CCSER1: variants seen among roughly 807,000 people sequenced by gnomAD.
CCSER1 encodes the protein coiled-coil serine rich protein 1.
In CCSER1, 41 loss-of-function variants were observed where a neutral mutation model predicts 82.0. That is an observed-to-expected ratio of 0.50 (90% confidence interval 0.39 to 0.65). The LOEUF (loss-of-function observed/expected upper bound fraction) is 0.65, where lower values mean the gene tolerates loss of function less well. Ranked by LOEUF, CCSER1 falls within the 30% of genes least tolerant of loss-of-function variation. CCSER1 has a pLI of 0.00. For synonymous variants in CCSER1, 414 were observed against 383.9 expected, an observed-to-expected ratio of 1.08 and a Z score of -0.92; for missense variants, 1,119 against 1,064.2, an observed-to-expected ratio of 1.05 and a Z score of -0.72.
At chr4:91,592,408 T>C (rs1263642500) in intron 10 of CCSER1, among the ~76,000 whole-genome samples, 1 of 152,118 alleles carries the variant, frequency 6.6e-6, no homozygotes, top group Non-Finnish European at 1.5e-5. Flanking sequence ...AGACAAACCA[T>C]ATCACCTGGG....
At chr4:91,155,364 A>C (rs1285671881) in intron 10 of CCSER1, among the ~76,000 whole-genome samples, 1 of 151,828 alleles carries the variant, frequency 6.6e-6, no homozygotes, top group Non-Finnish European at 1.5e-5. Context: ...ATCTTCCTCC[A>C]TGATTGTGAG....
intron 5 of CCSER1, among the ~76,000 whole-genome samples, chr4:90,499,901 C>A (rs1277600216): frequency 6.6e-6 from 1 of 152,194 alleles, no homozygotes; most frequent in East Asian, 1.9e-4. Flanking sequence ...AAGTTTATTT[C>A]ATGGAAAAAC....
chr4:90,515,544 A>G (rs1772152996), intron 5 of CCSER1, among the ~76,000 whole-genome samples: 2 of 152,182 alleles, frequency 1.3e-5, no homozygotes, highest in African/African-American at 2.4e-5. Flanking sequence ...ATCTTCTTAA[A>G]TTTAGTTTTG....
At chr4:91,551,471 T>G (rs904024770) in intron 10 of CCSER1, among the ~76,000 whole-genome samples, 29 of 152,168 alleles carry the variant, frequency 1.9e-4, no homozygotes, top group Non-Finnish European at 3.2e-4. Flanking sequence ...TTGATATTTC[T>G]ATTAGGGTTT....
At chr4:90,310,972 G>C (rs1579110347) in intron 2 of CCSER1, among the ~76,000 whole-genome samples, 1 of 152,040 alleles carries the variant, frequency 6.6e-6, no homozygotes, top group Non-Finnish European at 1.5e-5. Flanking sequence ...TATATGCCTA[G>C]CTCCTTTACC....
rs191516112 is a variant in CCSER1, at chr4:90,158,785, C to G, written c.-42+30954C>G. On this transcript the variant is annotated intron_variant, in intron 1 of 10. Transcript: ENST00000509176. The stretch of plus-strand genomic sequence containing the variant: ...ATTTTCCAGGTGCTGTCTGTCACCC[C>G]TTTCTTTGACTAGGAAAGGGAACTC... 8.0e-3 allele frequency among the ~76,000 whole-genome samples: 1,218 copies of G among 152,286 alleles called. 7 individuals carry two copies. The highest frequency in any genetic ancestry group is 0.012 in the Non-Finnish European group (801 of 68,022).
At chr4:91,019,473 A>T (rs1381299) in intron 9 of CCSER1, among the ~76,000 whole-genome samples, 2 of 152,246 alleles carry the variant, frequency 1.3e-5, no homozygotes, top group African/African-American at 4.8e-5. Flanking sequence ...TTGGAATTTT[A>T]TTTGATATTG....
rs1053222574 is a variant in CCSER1 at position 91,247,227 on chromosome 4, G to A, written c.2217+161233G>A. The stretch of plus-strand genomic sequence containing the variant: ...TGAGGCAGGAGAATGGCATGAACCC[G>A]GGAGGCGGAGCTTGCAGTGAGCCGA... On this transcript the variant is annotated intron_variant, in intron 10 of 10. Transcript: ENST00000509176. 3.3e-5 allele frequency among the ~76,000 whole-genome samples: 5 copies of A among 151,798 alleles called. No homozygotes were observed. In the South Asian group the frequency reaches 8.3e-4, roughly 25 times the overall value.
At chr4:90,390,565 T>A (rs1750833704) in intron 3 of CCSER1, among the ~76,000 whole-genome samples, 1 of 152,200 alleles carries the variant, frequency 6.6e-6, no homozygotes, top group South Asian at 2.1e-4. Flanking sequence ...CTGATTTAAG[T>A]TGATAATGGC....
In CCSER1 at chr4:91,359,026, G is replaced by C. The variant is rs887789250; in HGVS notation, c.2218-239546G>C. On this transcript the variant is annotated intron_variant, in intron 10 of 10. Coordinates refer to ENST00000509176, the MANE Select transcript of CCSER1 (RefSeq NM_001145065.2). Reference sequence around the variant, plus strand: ...TAGAAGGAAGGGCTTTATTCAGCTGGGAGCATCGGCAAGCTACTGCCTTAA... The same window carrying C: ...TAGAAGGAAGGGCTTTATTCAGCTGCGAGCATCGGCAAGCTACTGCCTTAA... Among the ~76,000 whole-genome samples the C allele has an allele frequency of 2.0e-5, 3 of 152,214 alleles. No homozygotes were observed. In the East Asian group the frequency reaches 5.8e-4, roughly 29 times the overall value.
At chr4:91,345,146 T>A (rs1560601690) in intron 10 of CCSER1, among the ~76,000 whole-genome samples, 1 of 152,176 alleles carries the variant, frequency 6.6e-6, no homozygotes, top group Non-Finnish European at 1.5e-5. Flanking sequence ...ATCCCATCAC[T>A]TTGGGAGGCC....
At chr4:90,942,540 G>C (rs911792718) in intron 9 of CCSER1, among the ~76,000 whole-genome samples, 1 of 151,840 alleles carries the variant, frequency 6.6e-6, no homozygotes, top group Non-Finnish European at 1.5e-5. Flanking sequence ...ATATTTTCTG[G>C]CTACTTTCTT....
intron 10 of CCSER1, among the ~76,000 whole-genome samples, chr4:91,299,620 G>A (rs1744502723): frequency 6.6e-6 from 1 of 151,900 alleles, no homozygotes; most frequent in South Asian, 2.1e-4. Flanking sequence ...CAGCCATACA[G>A]CGTAAATAAG....
intron 9 of CCSER1, among the ~76,000 whole-genome samples, chr4:90,994,715 A>G (rs2150457299): frequency 6.6e-6 from 1 of 152,302 alleles, no homozygotes; most frequent in South Asian, 2.1e-4. Context: ...TCTGACCAAT[A>G]TGCTAAACAT....
intron 8 of CCSER1, among the ~76,000 whole-genome samples, chr4:90,912,372 C>CA (rs1726538648): frequency 6.6e-6 from 1 of 152,176 alleles, no homozygotes; most frequent in African/African-American, 2.4e-5. Context: ...GATACCAAGG[C>CA]AAACAGGGTC....
chr4:90,501,942 TGTAATAATTACATTTTTA>T (rs1274283966), intron 5 of CCSER1, among the ~76,000 whole-genome samples: 1 of 152,212 alleles, frequency 6.6e-6, no homozygotes, highest in Admixed American at 6.6e-5. Context: ...ATAGGACTAA[TGTAATAATTACATTTTTA>T]TCTTAAAGAA....
chr4:91,435,728 A>T (rs1280752510), intron 10 of CCSER1, among the ~76,000 whole-genome samples: 1 of 152,248 alleles, frequency 6.6e-6, no homozygotes, highest in Non-Finnish European at 1.5e-5. Context: ...TAAGGTATTT[A>T]TACCATTTAA....
chr4:90,286,911 A>G (rs761222684), intron 1 of CCSER1, among the ~76,000 whole-genome samples: 3 of 152,094 alleles, frequency 2.0e-5, no homozygotes, highest in East Asian at 3.9e-4. Flanking sequence ...CTCTGTCTGC[A>G]TGGCCTCAAG....
chr4:91,034,463 A>C (rs1741258971), intron 9 of CCSER1, among the ~76,000 whole-genome samples: 1 of 152,216 alleles, frequency 6.6e-6, no homozygotes, highest in Non-Finnish European at 1.5e-5. Flanking sequence ...AGAAGCTTGA[A>C]TATCCAGAGC....
Sources: gnomAD v4.1 joint callset for allele counts (sites outside exome capture counted in the v4.1 genomes callset) on GRCh38, gnomAD v4.1.1 for gene constraint, MANE v1.5 for transcripts, NCBI Gene and HGNC (gene_info 2026-07-23, HGNC 2026-07-21) for gene names.